Variants in AP4S1 observed in about 807,000 individuals in gnomAD.
The protein encoded by AP4S1 is AP-4 complex subunit sigma-1.
A neutral mutation model predicts 19.8 loss-of-function variants in AP4S1; 23 were observed. That is an observed-to-expected ratio of 1.16 (90% CI 0.84 to 1.65). The LOEUF (loss-of-function observed/expected upper bound fraction) is 1.65. Ranked by LOEUF, AP4S1 falls within the 40% of genes most tolerant of loss-of-function variation. AP4S1 has a pLI of 0.00. For synonymous variants in AP4S1, 46 were observed against 54.1 expected (o/e 0.85, Z 0.66); for missense variants, 166 against 172.8 (o/e 0.96, Z 0.22).
Position 31,050,222 on chromosome 14 carries a change from T to C in AP4S1, c.-71-15904T>C, listed in dbSNP as rs146467814. ...CAGGCGTGAGCCACCACGCCTGTCC[T>C]AATTTTTGTATTTTTAGTAGAAACG... On this transcript the variant is annotated intron_variant, in intron 1 of 5. Transcript: ENST00000542754. 1.9e-4 allele frequency among the ~76,000 whole-genome samples: 29 copies of C among 152,272 alleles called. No homozygotes were observed. In the East Asian group the frequency reaches 4.8e-3, roughly 25 times the overall value.
intron 1 of AP4S1, among the ~76,000 whole-genome samples, chr14:31,028,707 GT>G (rs1380656401): frequency 1.3e-5 from 2 of 151,988 alleles, no homozygotes; most frequent in African/African-American, 2.4e-5. Context: ...GAGCTCAGGA[GT>G]TGGAGACCAG....
intron 1 of AP4S1, among the ~76,000 whole-genome samples, chr14:31,049,946 G>A (rs1440648431): frequency 6.6e-6 from 1 of 151,380 alleles, no homozygotes; most frequent in Non-Finnish European, 1.5e-5. Context: ...GGTTTTGGAG[G>A]AGTCTCCCTC....
At chr14:31,052,451 A>G (rs1029889419) in intron 1 of AP4S1, among the ~76,000 whole-genome samples, 2 of 152,038 alleles carry the variant, frequency 1.3e-5, no homozygotes, top group African/African-American at 4.8e-5. Context: ...TTGGCCAAGC[A>G]TGGTGTCTCA....
intron 1 of AP4S1, 63 bp downstream of exon 1, chr14:31,025,850 C>CGGGA: frequency 6.4e-7 from 1 of 1,561,936 alleles, no homozygotes; most frequent in South Asian, 1.2e-5. Context: ...AGCCCCACCC[C>CGGGA]CCGGCCGGGA....
At chr14:31,027,738 G>A (rs1394681194) in intron 1 of AP4S1, among the ~76,000 whole-genome samples, 1 of 152,130 alleles carries the variant, frequency 6.6e-6, no homozygotes, top group African/African-American at 2.4e-5. Context: ...ACAATAGTGG[G>A]TACTTTTATG....
intron 5 of AP4S1, among the ~76,000 whole-genome samples, chr14:31,082,752 C>T (rs975465871): frequency 4.6e-5 from 7 of 152,030 alleles, no homozygotes; most frequent in African/African-American, 7.2e-5. Flanking sequence ...AAAAATTAGC[C>T]GGGCGCGGTG....
Position 31,045,032 on chromosome 14 carries a change from G to A in AP4S1, c.-72+19245G>A, listed in dbSNP as rs140248405. ...TTCTCGTGCCTCAGCCCCCCAAGTA[G>A]CTGGGATTACAGGAGTCCGCCACTA... On this transcript the variant is annotated intron_variant, in intron 1 of 5. Coordinates refer to ENST00000542754, the MANE Select transcript of AP4S1 (RefSeq NM_001128126.3). Among the ~76,000 whole-genome samples the A allele has an allele frequency of 1.5e-4, 23 of 151,894 alleles. No individual in the cohort carries two copies. The East Asian group carries it at 3.9e-3, about 26-fold the overall frequency.
chr14:31,026,692 G>C (rs1321066820), intron 1 of AP4S1: 2 of 152,954 alleles, frequency 1.3e-5, no homozygotes, highest in African/African-American at 4.8e-5. Flanking sequence ...TGGAAGCGAG[G>C]CGGCCTTAGG....
At chr14:31,033,321 C>G (rs1179908397) in intron 1 of AP4S1, among the ~76,000 whole-genome samples, 1 of 152,046 alleles carries the variant, frequency 6.6e-6, no homozygotes, top group East Asian at 1.9e-4. Flanking sequence ...TCAAACAATT[C>G]TCCTGCCTCA....
In AP4S1 at chr14:31,032,274, A is replaced by G. The variant is rs115169210; in HGVS notation, c.-72+6487A>G. Among the ~76,000 whole-genome samples, 453 of 152,162 alleles carry G rather than the reference A, an allele frequency of 3.0e-3. 3 individuals carry two copies. The highest frequency in any genetic ancestry group is 0.01 in the African/African-American group (432 of 41,524). On this transcript the variant is annotated intron_variant, in intron 1 of 5. Coordinates refer to ENST00000542754, the MANE Select transcript of AP4S1 (RefSeq NM_001128126.3). ...GCAGGCGTCACCTTTGAAACTTCCT[A>G]AATAGGGTGTCTAATCTTGGACACC...
chr14:31,072,858 T>C (rs371649566), intron 3 of AP4S1, 47 bp from the exon 4 acceptor site: 21 of 1,497,882 alleles, frequency 1.4e-5, no homozygotes, highest in East Asian at 1.1e-4. Flanking sequence ...CTGGTTTACA[T>C]GGGAAGCGAC....
At chr14:31,083,615 C>CT (rs1887777988) in intron 5 of AP4S1, 1 of 445,912 alleles carries the variant, frequency 2.2e-6, no homozygotes. Context: ...AGTGATCCTC[C>CT]TACCTCAGCC....
intron 5 of AP4S1, among the ~76,000 whole-genome samples, chr14:31,087,749 G>GT (rs1486649365): frequency 1.3e-5 from 2 of 152,144 alleles, no homozygotes; most frequent in African/African-American, 4.8e-5. Flanking sequence ...GTGCCTTGGT[G>GT]TTGTCGAAGC....
At chr14:31,026,212 A>G (rs1021853750) in intron 1 of AP4S1, 35 of 1,387,608 alleles carry the variant, frequency 2.5e-5, no homozygotes, top group Non-Finnish European at 3.1e-5. Context: ...GCCGGGGCGC[A>G]GGGCGAGACG....
At chr14:31,085,326 G>C (rs1014910030) in intron 5 of AP4S1, 4 of 993,856 alleles carry the variant, frequency 4.0e-6, no homozygotes, top group Non-Finnish European at 4.8e-6. Context: ...TGATAAGAAG[G>C]CTGGGTGGTA....
At chr14:31,026,240 G>A (rs1883918868) in intron 1 of AP4S1, 1 of 1,364,348 alleles carries the variant, frequency 7.3e-7, no homozygotes. Context: ...CTGGGGGAAG[G>A]GCCGGAGAGG....
intron 5 of AP4S1, chr14:31,084,709 A>G (rs1887835346): frequency 1.2e-6 from 2 of 1,610,246 alleles, no homozygotes; most frequent in East Asian, 2.2e-5. Flanking sequence ...TTGCCCCATC[A>G]CATACCTTGG....
At chr14:31,088,106 C>G (rs1887970839) in intron 5 of AP4S1, among the ~76,000 whole-genome samples, 2 of 152,092 alleles carry the variant, frequency 1.3e-5, no homozygotes, top group Admixed American at 6.6e-5. Flanking sequence ...GGAACAGTCC[C>G]CAGGATTCAG....
intron 4 of AP4S1, among the ~76,000 whole-genome samples, chr14:31,080,200 A>G (rs1398940226): frequency 6.6e-6 from 1 of 152,112 alleles, no homozygotes; most frequent in Non-Finnish European, 1.5e-5. Context: ...CCATTGTCTA[A>G]TTTTTTCCTT....
Sources: allele counts gnomAD v4.1 joint callset (sites outside exome capture counted in the v4.1 genomes callset), GRCh38; gene constraint gnomAD v4.1.1; transcripts MANE v1.5; gene names NCBI Gene and HGNC (gene_info 2026-07-23, HGNC 2026-07-21).